The following C8B variants were observed in gnomAD, a reference collection of about 807,000 sequenced individuals.
C8B encodes the protein complement component C8 beta chain.
In C8B, 67 loss-of-function variants were observed where a neutral mutation model predicts 64.6. The observed-to-expected ratio is 1.04, with a 90% confidence interval of 0.85 to 1.27. The LOEUF is 1.27. C8B is among the 50% of genes most tolerant of loss of function. The probability of loss-of-function intolerance (pLI) is 0.00; values close to 1 mark genes in which losing one functional copy is unlikely to be tolerated. For synonymous variants in C8B, 284 were observed against 257.7 expected, an observed-to-expected ratio of 1.10 and a Z score of -0.98; for missense variants, 790 against 725.2, an observed-to-expected ratio of 1.09 and a Z score of -1.03.
At position 56,960,043 on chromosome 1, in the gene C8B, A is replaced by C. The variant is rs751261037; in HGVS notation, c.226T>G (p.Cys76Gly). ...ACCCTTTTCTTCTGACAGGGGTCAC[A>C]TGTGGTCCAAGAGGACCAACTAGAC... is the stretch of plus-strand genomic sequence containing the variant. ...ELSSWSSWTT[C>G]DPCQKKRYRY... Residue 76 changes from cysteine (C) to glycine (G), a missense_variant, in exon 2 of 12, where the codon TGT (cysteine) becomes GGT (glycine). Coordinates refer to ENST00000371237, the MANE Select transcript of C8B (RefSeq NM_000066.4). 1 of 1,614,170 alleles carries C rather than the reference A, an allele frequency of 6.2e-7. No individual in the cohort carries two copies. The highest frequency in any genetic ancestry group is 1.3e-5 in the African/African-American group (1 of 75,044).
chr1:56,938,703 T>A (rs1308553744), intron 9 of C8B, among the ~76,000 whole-genome samples: 1 of 152,218 alleles, frequency 6.6e-6, no homozygotes, highest in Non-Finnish European at 1.5e-5. Flanking sequence ...AATCATGTTT[T>A]AGGACTTGAT....
At position 56,960,787 on chromosome 1, in the gene C8B, C is replaced by T. The variant is rs1263536096; in HGVS notation, c.93-611G>A. Among the ~76,000 whole-genome samples the T allele has an allele frequency of 2.0e-5, 3 of 152,300 alleles. No individual in the cohort carries two copies. In the South Asian group the frequency reaches 6.2e-4, roughly 32 times the overall value. On this transcript the variant is annotated intron_variant, in intron 1 of 11. Transcript: ENST00000371237. ...AGGCCTTTTAAGTGGATGCTGTTTT[C>T]CCATTTGAGTGTGTGGGCGGTGGGA...
At position 56,952,219 on chromosome 1, in the gene C8B, T is replaced by C. The variant is rs199704406; in HGVS notation, c.534-39A>G. ...ACAGAGATGGCGAAGAGGTTAAAGT[T>C]TGCGGTTGCTTAATCTTGACTGTCA... On this transcript the variant is annotated intron_variant, in intron 4 of 11. Coordinates refer to ENST00000371237, the MANE Select transcript of C8B (RefSeq NM_000066.4). The C allele has an allele frequency of 7.3e-4, 1,173 of 1,612,558 alleles. 11 individuals carry two copies. The African/African-American group carries it at 0.013, about 17-fold the overall frequency.
chr1:56,933,556 T>C, intron 9 of C8B, 68 bp from the exon 10 acceptor site: 2 of 1,338,122 alleles, frequency 1.5e-6, no homozygotes, highest in South Asian at 1.2e-5. Context: ...AAAACAAAAC[T>C]ACAAAGGAAT....
At chr1:56,933,563 G>T in intron 9 of C8B, 75 bp from the exon 10 acceptor site, 4 of 1,268,332 alleles carry the variant, frequency 3.2e-6, no homozygotes, top group Non-Finnish European at 4.6e-6. Context: ...AACTACAAAG[G>T]AATGGACTGG....
In C8B at chr1:56,929,403, G is replaced by C; in HGVS notation, c.*1C>G. The C allele has an allele frequency of 6.2e-7, 1 of 1,612,062 alleles. No homozygotes were observed. The highest frequency in any genetic ancestry group is 1.3e-5 in the African/African-American group (1 of 74,960). On this transcript the variant is annotated 3_prime_UTR_variant, in exon 12 of 12. Transcript: ENST00000371237. Reference sequence around the variant, plus strand: ...TATGTAGCCCACTGCTGTATCATCTGCTAGGAGCAGTCAAGTGTTTCTGAA... The same window carrying C: ...TATGTAGCCCACTGCTGTATCATCTCCTAGGAGCAGTCAAGTGTTTCTGAA...
intron 1 of C8B, among the ~76,000 whole-genome samples, chr1:56,961,893 G>T (rs954927601): frequency 6.6e-6 from 1 of 152,170 alleles, no homozygotes; most frequent in Non-Finnish European, 1.5e-5. Flanking sequence ...ACGGTTACTT[G>T]AGGCAGGATG....
At chr1:56,961,412 C>A (rs574353722) in intron 1 of C8B, among the ~76,000 whole-genome samples, 1 of 152,294 alleles carries the variant, frequency 6.6e-6, no homozygotes, top group South Asian at 2.1e-4. Context: ...TGGAGCACTG[C>A]CACCTGGGCA....
chr1:56,958,694 G>A (rs778263615), intron 2 of C8B, among the ~76,000 whole-genome samples: 21 of 152,152 alleles, frequency 1.4e-4, no homozygotes, highest in Non-Finnish European at 2.8e-4. Context: ...TGGCTGCCAG[G>A]CTGACTCATG....
intron 2 of C8B, among the ~76,000 whole-genome samples, chr1:56,958,583 C>T (rs1306573577): frequency 6.6e-6 from 1 of 151,690 alleles, no homozygotes; most frequent in African/African-American, 2.4e-5. Flanking sequence ...ATCACCCAAT[C>T]TGACTTGAGA....
At chr1:56,954,910 A>T in intron 3 of C8B, 83 bp from the exon 4 acceptor site, 1 of 1,537,670 alleles carries the variant, frequency 6.5e-7, no homozygotes, top group Non-Finnish European at 9.0e-7. Context: ...ACCAAGTGCC[A>T]GACCTTTTGT....
intron 9 of C8B, among the ~76,000 whole-genome samples, chr1:56,936,285 A>G (rs2101369393): frequency 6.6e-6 from 1 of 152,214 alleles, no homozygotes; most frequent in East Asian, 1.9e-4. Flanking sequence ...TTTGACAAAA[A>G]TATCCATCTC....
At chr1:56,952,387 G>T (rs1298724565) in intron 4 of C8B, among the ~76,000 whole-genome samples, 1 of 152,148 alleles carries the variant, frequency 6.6e-6, no homozygotes. Flanking sequence ...GAAGAGGCTT[G>T]CTCTTGCTCC....
At chr1:56,934,491 T>A (rs537187247) in intron 9 of C8B, among the ~76,000 whole-genome samples, 1 of 152,308 alleles carries the variant, frequency 6.6e-6, no homozygotes, top group South Asian at 2.1e-4. Context: ...AAAAATGTTC[T>A]ATTCCTCTTG....
intron 1 of C8B, among the ~76,000 whole-genome samples, chr1:56,960,619 C>T (rs758785253): frequency 2.6e-5 from 4 of 152,186 alleles, no homozygotes; most frequent in Non-Finnish European, 4.4e-5. Context: ...AAGAGGCTGG[C>T]AGCAGCAGTC....
In C8B at chr1:56,929,334, G is replaced by A; in HGVS notation, c.*70C>T. 1 of 1,544,988 alleles carries A rather than the reference G, an allele frequency of 6.5e-7. No individual in the cohort carries two copies. Among genetic ancestry groups the A allele is most frequent in the South Asian group, 1.1e-5 (1 of 89,538 alleles). On this transcript the variant is annotated 3_prime_UTR_variant, in exon 12 of 12. Coordinates refer to ENST00000371237, the MANE Select transcript of C8B (RefSeq NM_000066.4). ...TGAACTCCAGGTGGAAACTGGTGTA[G>A]GGCTGAGCTGGCATGAGTTCTTGAG...
chr1:56,965,845 A>T lies in C8B; in HGVS notation c.92+12T>A, dbSNP rs371593322. ...ATTATTGATCAGGGAATTATTGGTA[A>T]CTGTCACTTACCTGGAGCCAGGCAA... On this transcript the variant is annotated intron_variant, in intron 1 of 11. Coordinates refer to ENST00000371237, the MANE Select transcript of C8B (RefSeq NM_000066.4). The T allele has an allele frequency of 4.3e-6, 7 of 1,613,900 alleles. No individual in the cohort carries two copies. Among genetic ancestry groups the T allele is most frequent in the Non-Finnish European group, 5.9e-6 (7 of 1,179,920 alleles).
chr1:56,942,448 T>G (rs111927445), intron 8 of C8B, among the ~76,000 whole-genome samples: 1 of 152,182 alleles, frequency 6.6e-6, no homozygotes, highest in African/African-American at 2.4e-5. Context: ...ATGCCTCTAA[T>G]CCCAGCACTT....
chr1:56,965,730 G>T, intron 1 of C8B, 127 bp downstream of exon 1: 2 of 913,124 alleles, frequency 2.2e-6, no homozygotes, highest in Non-Finnish European at 3.6e-6. Flanking sequence ...GTTATCAGAT[G>T]CATGCAAATT....
Sources: gnomAD v4.1 joint callset for allele counts (sites outside exome capture counted in the v4.1 genomes callset) on GRCh38, gnomAD v4.1.1 for gene constraint, MANE v1.5 for transcripts, NCBI Gene and HGNC (gene_info 2026-07-23, HGNC 2026-07-21) for gene names.